The following LDLRAD4 variants were observed in gnomAD, a reference collection of about 807,000 sequenced individuals.
LDLRAD4 encodes low density lipoprotein receptor class A domain containing 4, also known as low-density lipoprotein receptor class A domain-containing protein 4.
LDLRAD4 carries 5 observed loss-of-function variants against 17.0 expected under a neutral mutation model. The ratio of observed to expected loss-of-function variants is 0.29; its 90% CI spans 0.15 to 0.62. The LOEUF is 0.62. Ranked by LOEUF, LDLRAD4 falls within the 20% of genes least tolerant of loss-of-function variation. The pLI is 0.84. For missense variants in LDLRAD4, 340 were observed against 424.7 expected (o/e 0.80, Z 1.75); for synonymous variants, 168 against 171.8 (o/e 0.98, Z 0.17).
At chr18:13,461,868 G>C (rs1200279612) in intron 3 of LDLRAD4, among the ~76,000 whole-genome samples, 1 of 152,220 alleles carries the variant, frequency 6.6e-6, no homozygotes, top group African/African-American at 2.4e-5. Context: ...GTTGTGGGAG[G>C]GGTCCAGTCA....
chr18:13,277,575 G>A (rs59949510), upstream of LDLRAD4, among the ~76,000 whole-genome samples: 2,590 of 152,310 alleles, frequency 0.017, 85 homozygotes, highest in African/African-American at 0.06. Flanking sequence ...AGTCACGAAC[G>A]TTACCATCCC....
chr18:13,583,019 A>G (rs1050976671), intron 3 of LDLRAD4, among the ~76,000 whole-genome samples: 2 of 152,156 alleles, frequency 1.3e-5, no homozygotes, highest in African/African-American at 2.4e-5. Flanking sequence ...TCTTGCTTGT[A>G]TACTCATCTG....
intron 3 of LDLRAD4, among the ~76,000 whole-genome samples, chr18:13,511,000 A>G (rs1174269434): frequency 1.3e-5 from 2 of 152,244 alleles, no homozygotes; most frequent in African/African-American, 4.8e-5. Context: ...TCTTCCAAAG[A>G]AAAGCTAATA....
At chr18:13,576,421 C>G (rs1260562794) in intron 3 of LDLRAD4, among the ~76,000 whole-genome samples, 1 of 90,314 alleles carries the variant, frequency 1.1e-5, no homozygotes, top group Non-Finnish European at 2.2e-5. Flanking sequence ...GACTCTGTCT[C>G]AAAAAAAAAA....
intron 1 of LDLRAD4, among the ~76,000 whole-genome samples, chr18:13,383,582 A>G (rs1260922414): frequency 6.6e-6 from 1 of 152,212 alleles, no homozygotes; most frequent in Non-Finnish European, 1.5e-5. Context: ...CAGCTCCTCC[A>G]ACTTTTACCC....
At chr18:13,449,667 T>C (rs963520399) in intron 3 of LDLRAD4, among the ~76,000 whole-genome samples, 1 of 152,266 alleles carries the variant, frequency 6.6e-6, no homozygotes, top group African/African-American at 2.4e-5. Context: ...TCCTTCATCC[T>C]TATCTATCTC....
chr18:13,646,051 G>T (rs1361054861), exon 6 of LDLRAD4: 1 of 161,602 alleles, frequency 6.2e-6, no homozygotes, highest in Non-Finnish European at 1.3e-5. Context: ...GAATAAAGAA[G>T]GAAGCATTAT....
intron 3 of LDLRAD4, among the ~76,000 whole-genome samples, chr18:13,575,509 GA>G (rs2094756314): frequency 6.6e-6 from 1 of 152,202 alleles, no homozygotes; most frequent in African/African-American, 2.4e-5. Context: ...TTGCAGCTGT[GA>G]ATTGTGCTGC....
intron 1 of LDLRAD4, among the ~76,000 whole-genome samples, chr18:13,357,352 C>T (rs1024594149): frequency 7.3e-5 from 11 of 151,686 alleles, no homozygotes; most frequent in African/African-American, 2.7e-4. Context: ...GTATTACAGG[C>T]ATGAGCCCCC....
intron 1 of LDLRAD4, among the ~76,000 whole-genome samples, chr18:13,296,540 C>T (rs1053755092): frequency 2.0e-5 from 3 of 151,464 alleles, no homozygotes; most frequent in East Asian, 1.9e-4. Context: ...ACACCAGCCC[C>T]GTCAGATTAG....
At chr18:13,606,760 C>T (rs2095228432) in intron 3 of LDLRAD4, among the ~76,000 whole-genome samples, 1 of 152,140 alleles carries the variant, frequency 6.6e-6, no homozygotes, top group Non-Finnish European at 1.5e-5. Context: ...TTTCTAAAGG[C>T]CAAATTCCAG....
intron 1 of LDLRAD4, among the ~76,000 whole-genome samples, chr18:13,286,321 A>T (rs1235231578): frequency 6.6e-6 from 1 of 152,256 alleles, no homozygotes; most frequent in Non-Finnish European, 1.5e-5. Flanking sequence ...CAGGAAGACG[A>T]GAGCTAGAGA....
At chr18:13,414,281 C>A (rs972769585) in intron 2 of LDLRAD4, among the ~76,000 whole-genome samples, 10 of 152,218 alleles carry the variant, frequency 6.6e-5, no homozygotes, top group African/African-American at 2.4e-4. Flanking sequence ...TTGCTTTGGG[C>A]AAGTCACATG....
At chr18:13,471,576 A>C (rs2092774594) in intron 3 of LDLRAD4, 2 of 152,422 alleles carry the variant, frequency 1.3e-5, no homozygotes, top group South Asian at 2.1e-4. Context: ...AGTAATGCTG[A>C]TGCTGCTGGT....
exon 6 of LDLRAD4, chr18:13,649,739 G>A (rs1368822605): frequency 3.4e-6 from 1 of 294,846 alleles, no homozygotes; most frequent in Non-Finnish European, 6.2e-6. Context: ...AAGCTCGGCA[G>A]TGTATGAAAG....
At chr18:13,502,265 C>G (rs1264902697) in intron 3 of LDLRAD4, among the ~76,000 whole-genome samples, 2 of 152,232 alleles carry the variant, frequency 1.3e-5, no homozygotes, top group Admixed American at 1.3e-4. Flanking sequence ...GGTGCCACAT[C>G]TTTTAAAATT....
chr18:13,619,033 A>G (rs2040338011), intron 3 of LDLRAD4, among the ~76,000 whole-genome samples: 1 of 152,242 alleles, frequency 6.6e-6, no homozygotes, highest in Admixed American at 6.5e-5. Flanking sequence ...CTGTCCTCAC[A>G]GAGAACACAC....
intron 1 of LDLRAD4, among the ~76,000 whole-genome samples, chr18:13,295,917 T>G (rs1449954527): frequency 3.3e-5 from 5 of 152,202 alleles, no homozygotes; most frequent in Admixed American, 3.3e-4. Context: ...AGTTGGAGCT[T>G]TGGGACTCCC....
intron 1 of LDLRAD4, among the ~76,000 whole-genome samples, chr18:13,375,541 C>T (rs566311423): frequency 4.6e-4 from 70 of 152,212 alleles, no homozygotes; most frequent in African/African-American, 1.6e-3. Context: ...AGGGCAGGGC[C>T]GAAGCTGAGT....
Sources: gnomAD v4.1 joint callset for allele counts (sites outside exome capture counted in the v4.1 genomes callset) on GRCh38, gnomAD v4.1.1 for gene constraint, MANE v1.5 for transcripts, NCBI Gene and HGNC (gene_info 2026-07-23, HGNC 2026-07-21) for gene names.